ARHGEF3: variants seen among roughly 807,000 people sequenced by gnomAD.
ARHGEF3 encodes the protein 59.8 kDA protein.
In ARHGEF3, 28 loss-of-function variants were observed where a neutral mutation model predicts 63.2. The ratio of observed to expected loss-of-function variants is 0.44; its 90% CI spans 0.33 to 0.61. ARHGEF3 has a LOEUF of 0.61. ARHGEF3 is among the 20% of genes least tolerant of loss of function. The pLI, the probability that ARHGEF3 is intolerant of heterozygous loss-of-function variation, is 0.03. For synonymous variants in ARHGEF3, 266 were observed against 254.2 expected, an observed-to-expected ratio of 1.05 and a Z score of -0.44; for missense variants, 533 against 659.3, an observed-to-expected ratio of 0.81 and a Z score of 2.10.
intron 2 of ARHGEF3, among the ~76,000 whole-genome samples, chr3:56,959,473 C>T (rs1325448579): frequency 6.6e-6 from 1 of 152,194 alleles, no homozygotes; most frequent in African/African-American, 2.4e-5. Context: ...AGACTCCAGG[C>T]ACACCAGAAG....
chr3:57,014,142 C>T (rs544961702), intron 2 of ARHGEF3, among the ~76,000 whole-genome samples: 2 of 152,060 alleles, frequency 1.3e-5, no homozygotes, highest in Non-Finnish European at 2.9e-5. Context: ...TAACACTCAG[C>T]GGGAAGGTTT....
intron 4 of ARHGEF3, among the ~76,000 whole-genome samples, chr3:56,848,982 T>C (rs2039580597): frequency 6.6e-6 from 1 of 152,242 alleles, no homozygotes. Context: ...CTGAGGCATG[T>C]TAATACACTT....
chr3:56,962,394 A>T (rs1206223918), intron 2 of ARHGEF3, among the ~76,000 whole-genome samples: 1 of 152,250 alleles, frequency 6.6e-6, no homozygotes. Flanking sequence ...AAAGACACTC[A>T]GCTGAGCTTC....
At chr3:56,906,975 ATT>A (rs368006965) in intron 3 of ARHGEF3, among the ~76,000 whole-genome samples, 59 of 72,370 alleles carry the variant, frequency 8.2e-4, no homozygotes, top group African/African-American at 2.8e-3. Flanking sequence ...CTCACATTCT[ATT>A]TTTTTTTTTT....
At chr3:56,852,431 C>T (rs1324485382) in intron 4 of ARHGEF3, among the ~76,000 whole-genome samples, 2 of 152,174 alleles carry the variant, frequency 1.3e-5, no homozygotes, top group Non-Finnish European at 2.9e-5. Flanking sequence ...AAGGGGACTG[C>T]TGGACCTACC....
At chr3:57,055,172 T>C (rs1704865900) in intron 1 of ARHGEF3, among the ~76,000 whole-genome samples, 1 of 151,144 alleles carries the variant, frequency 6.6e-6, no homozygotes, top group Non-Finnish European at 1.5e-5. Context: ...GCTTTTTTTT[T>C]TTTTTTTGAG....
chr3:56,961,232 C>T (rs1050706335), intron 2 of ARHGEF3, among the ~76,000 whole-genome samples: 6 of 152,116 alleles, frequency 3.9e-5, no homozygotes, highest in South Asian at 2.1e-4. Context: ...GCATTACATA[C>T]ATTTAAATAA....
intron 2 of ARHGEF3, among the ~76,000 whole-genome samples, chr3:57,009,983 A>G (rs1029474192): frequency 6.6e-6 from 1 of 152,212 alleles, no homozygotes; most frequent in Non-Finnish European, 1.5e-5. Context: ...AAACAAAGTC[A>G]CACCGCAGCA....
intron 1 of ARHGEF3, among the ~76,000 whole-genome samples, chr3:56,791,927 G>A (rs9825165): frequency 6.6e-6 from 1 of 151,918 alleles, no homozygotes; most frequent in Non-Finnish European, 1.5e-5. Context: ...AAGGCTCAAA[G>A]GAGATAATGC....
At chr3:56,987,976 G>T (rs1701607749) in intron 2 of ARHGEF3, among the ~76,000 whole-genome samples, 1 of 152,212 alleles carries the variant, frequency 6.6e-6, no homozygotes, top group Non-Finnish European at 1.5e-5. Context: ...ACAAATGGGT[G>T]ACAGACAGGT....
intron 2 of ARHGEF3, among the ~76,000 whole-genome samples, chr3:56,988,806 G>A (rs1367427178): frequency 6.6e-6 from 1 of 152,174 alleles, no homozygotes; most frequent in Non-Finnish European, 1.5e-5. Context: ...GCAACAGTAT[G>A]TGCCCATCTG....
intron 1 of ARHGEF3, among the ~76,000 whole-genome samples, chr3:57,072,956 G>T (rs1287701928): frequency 1.3e-5 from 2 of 152,168 alleles, no homozygotes; most frequent in Admixed American, 1.3e-4. Flanking sequence ...TGAAGCAGGA[G>T]AATCACTTGA....
intron 2 of ARHGEF3, among the ~76,000 whole-genome samples, chr3:57,027,893 G>A (rs114629046): frequency 7.8e-4 from 118 of 152,204 alleles, no homozygotes; most frequent in African/African-American, 2.6e-3. Flanking sequence ...TTAAGCCTAA[G>A]CCCTAGAATT....
At chr3:56,944,568 C>CTTTTT (rs1205155655) in intron 3 of ARHGEF3, among the ~76,000 whole-genome samples, 12,550 of 65,754 alleles carry the variant, frequency 0.19, 1,484 homozygotes, top group Non-Finnish European at 0.26. Context: ...AAAGTGGTTT[C>CTTTTT]TTTTTTTTTT....
At chr3:56,737,433 G>T in intron 7 of ARHGEF3, 78 bp from the exon 8 acceptor site, 1 of 1,235,114 alleles carries the variant, frequency 8.1e-7, no homozygotes, top group South Asian at 1.4e-5. Flanking sequence ...GCTCAGCCTA[G>T]AAGGACACCA....
At chr3:56,834,195 G>A (rs2039028160) in intron 4 of ARHGEF3, among the ~76,000 whole-genome samples, 1 of 152,018 alleles carries the variant, frequency 6.6e-6, no homozygotes, top group African/African-American at 2.4e-5. Context: ...AAGCCACCAC[G>A]CCTGGCCTGT....
chr3:56,742,604 C>T (rs2034112414), intron 7 of ARHGEF3, among the ~76,000 whole-genome samples: 1 of 151,900 alleles, frequency 6.6e-6, no homozygotes, highest in Non-Finnish European at 1.5e-5. Context: ...ATAATGCACC[C>T]AAGAGTACAG....
chr3:56,853,036 C>T (rs1381362813), intron 4 of ARHGEF3, among the ~76,000 whole-genome samples: 1 of 152,276 alleles, frequency 6.6e-6, no homozygotes, highest in East Asian at 1.9e-4. Flanking sequence ...ACAAGACCTC[C>T]CAAGAACAGC....
At position 56,888,640 on chromosome 3, in the gene ARHGEF3, C is replaced by T. The variant is rs184678173; in HGVS notation, c.130-6286G>A. Among the ~76,000 whole-genome samples, 544 of 152,280 alleles carry T rather than the reference C, an allele frequency of 3.6e-3. 3 individuals carry two copies. The highest frequency in any genetic ancestry group is 6.7e-3 in the Non-Finnish European group (458 of 68,028). ...ACCAGGGGCCAGGCATGGTGGCTCA[C>T]GCCTGTAATTCCAGCACATTGGGAG... On this transcript the variant is annotated intron_variant, in intron 3 of 12. Transcript: ENST00000338458.
Sources: gnomAD v4.1 joint callset for allele counts (sites outside exome capture counted in the v4.1 genomes callset) on GRCh38, gnomAD v4.1.1 for gene constraint, MANE v1.5 for transcripts, NCBI Gene and HGNC (gene_info 2026-07-23, HGNC 2026-07-21) for gene names.